Variants in SDK1 observed in about 807,000 individuals in gnomAD.
SDK1 encodes protein sidekick-1.
A neutral mutation model predicts 245.5 loss-of-function variants in SDK1; 157 were observed. The observed-to-expected ratio is 0.64, with a 90% CI of 0.56 to 0.73. SDK1 has a LOEUF of 0.73. Ranked by LOEUF, SDK1 falls within the 30% of genes least tolerant of loss-of-function variation. SDK1 has a pLI of 0.00. For synonymous variants in SDK1, 1,647 were observed against 1,278.5 expected (o/e 1.29, Z -6.15); for missense variants, 3,583 against 3,002.3 (o/e 1.19, Z -4.52).
intron 19 of SDK1, among the ~76,000 whole-genome samples, chr7:4,064,304 A>T (rs1272837154): frequency 6.6e-6 from 1 of 152,202 alleles, no homozygotes; most frequent in South Asian, 2.1e-4. Flanking sequence ...CAGATGGTCA[A>T]CGTGTCTATG....
intron 5 of SDK1, among the ~76,000 whole-genome samples, chr7:3,950,080 C>T (rs1267999384): frequency 6.6e-6 from 1 of 152,224 alleles, no homozygotes; most frequent in East Asian, 1.9e-4. Context: ...ATAAAGCCAG[C>T]AAGCATTTTG....
rs1057312148 is a variant in SDK1 at position 3,811,313 on chromosome 7, G to A, written c.714-10137G>A. On this transcript the variant is annotated intron_variant, in intron 4 of 44. Coordinates refer to ENST00000404826, the MANE Select transcript of SDK1 (RefSeq NM_152744.4). ...ACCCAGGTCACAGTTGCCTGATCGC[G>A]TTAAGGGCCTCTCTATATTAAGACA... Among the ~76,000 whole-genome samples, 10 of 152,260 alleles carry A rather than the reference G, an allele frequency of 6.6e-5. No individual in the cohort carries two copies. The East Asian group carries it at 1.2e-3, about 18-fold the overall frequency.
Position 4,017,437 on chromosome 7 carries a change from G to A in SDK1, c.2602+85G>A, listed in dbSNP as rs576038876. On this transcript the variant is annotated intron_variant, in intron 17 of 44. Coordinates refer to ENST00000404826, the MANE Select transcript of SDK1 (RefSeq NM_152744.4). ...AGGTTTGACTGGAGTACGTTAGAAA[G>A]AAAAACAGAGAATCCAGTCCCCTAG... 85 of 1,208,660 alleles carry A rather than the reference G, an allele frequency of 7.0e-5. 1 individual carries two copies. In the African/African-American group the frequency reaches 1.2e-3, roughly 17 times the overall value. 74.9% of individuals were successfully genotyped at this position (1,208,660 alleles called of 1,614,324 possible). A position where few individuals can be genotyped will look rare whatever the true frequency, so the allele number is the denominator to read the frequency against.
Position 3,912,019 on chromosome 7 carries a change from G to T in SDK1, c.848-38904G>T, listed in dbSNP as rs543647689. Among the ~76,000 whole-genome samples, 62 of 152,288 alleles carry T rather than the reference G, an allele frequency of 4.1e-4. 1 individual carries two copies. Among genetic ancestry groups the T allele is most frequent in the Middle Eastern group, 3.4e-3 (1 of 294 alleles). On this transcript the variant is annotated intron_variant, in intron 5 of 44. Transcript: ENST00000404826. Reference sequence around the variant, plus strand: ...AACTTGAGCAAGAGCTTGTAGGTGCGGGGGCGTGCAGGGCAAGGGGGCCCT... The same window carrying T: ...AACTTGAGCAAGAGCTTGTAGGTGCTGGGGCGTGCAGGGCAAGGGGGCCCT...
intron 1 of SDK1, among the ~76,000 whole-genome samples, chr7:3,334,135 A>G (rs1379347394): frequency 3.3e-5 from 5 of 152,168 alleles, no homozygotes; most frequent in Admixed American, 3.3e-4. Context: ...GCAGAACCCC[A>G]ATGTGGTTTT....
At chr7:4,102,864 C>A (rs1378684938) in intron 22 of SDK1, among the ~76,000 whole-genome samples, 1 of 151,840 alleles carries the variant, frequency 6.6e-6, no homozygotes, top group Non-Finnish European at 1.5e-5. Flanking sequence ...GCCTGAAGGA[C>A]CGCCCCTACC....
At chr7:3,986,585 G>A (rs991567534) in intron 13 of SDK1, among the ~76,000 whole-genome samples, 1 of 152,226 alleles carries the variant, frequency 6.6e-6, no homozygotes, top group African/African-American at 2.4e-5. Flanking sequence ...TGTAGGCCGG[G>A]CATGGTGGCT....
intron 5 of SDK1, among the ~76,000 whole-genome samples, chr7:3,884,071 G>A (rs1038364308): frequency 7.2e-6 from 1 of 139,292 alleles, no homozygotes; most frequent in Non-Finnish European, 1.5e-5. Context: ...TTTTTTGTTT[G>A]TTTGTTTTTT....
intron 17 of SDK1, among the ~76,000 whole-genome samples, chr7:4,035,015 G>T (rs1788111448): frequency 6.6e-6 from 1 of 152,216 alleles, no homozygotes; most frequent in Non-Finnish European, 1.5e-5. Context: ...GTCTTGCTCT[G>T]TTGCCCAGGC....
intron 1 of SDK1, among the ~76,000 whole-genome samples, chr7:3,439,677 A>G (rs914070441): frequency 3.3e-5 from 5 of 152,228 alleles, no homozygotes; most frequent in African/African-American, 1.2e-4. Context: ...TAATGATCTG[A>G]TGCACTTTTG....
At chr7:3,437,947 A>G (rs1230914298) in intron 1 of SDK1, among the ~76,000 whole-genome samples, 1 of 152,214 alleles carries the variant, frequency 6.6e-6, no homozygotes, top group Non-Finnish European at 1.5e-5. Context: ...ACGTTTGTGT[A>G]TGAGCCTTGG....
intron 17 of SDK1, among the ~76,000 whole-genome samples, chr7:4,035,071 C>T (rs557450903): frequency 3.9e-4 from 60 of 152,284 alleles, no homozygotes; most frequent in African/African-American, 1.3e-3. Context: ...TTCCACCTCC[C>T]GGGTTCAAGC....
intron 5 of SDK1, among the ~76,000 whole-genome samples, chr7:3,855,803 A>C (rs1388373974): frequency 6.6e-6 from 1 of 152,190 alleles, no homozygotes; most frequent in Non-Finnish European, 1.5e-5. Flanking sequence ...TTTTAGTCAA[A>C]GTTCTGAGGG....
intron 5 of SDK1, among the ~76,000 whole-genome samples, chr7:3,855,258 A>G (rs1471911439): frequency 2.0e-5 from 3 of 152,110 alleles, no homozygotes; most frequent in Non-Finnish European, 4.4e-5. Flanking sequence ...CACCACACCA[A>G]GAATCACTAG....
intron 1 of SDK1, among the ~76,000 whole-genome samples, chr7:3,559,713 A>C (rs1334817259): frequency 6.6e-6 from 1 of 151,472 alleles, no homozygotes; most frequent in South Asian, 2.1e-4. Context: ...TTGAACCTCA[A>C]GGTAACGCTG....
Position 4,051,721 on chromosome 7 carries a change from C to G in SDK1, c.2802C>G (p.His934Gln). ...ATTTCCACGGAGTCCACCATGGACA[C>G]ATAACGAACCTGAAGAAGTTTACCG... Reference protein sequence around the residue: ...APDFHGVHHGHITNLKKFTAY... With the variant: ...APDFHGVHHGQITNLKKFTAY... The change falls in exon 19 of 45, where the codon CAC (histidine) becomes CAG (glutamine). Residue 934 changes from histidine (H) to glutamine (Q), a missense_variant. Coordinates refer to ENST00000404826, the MANE Select transcript of SDK1 (RefSeq NM_152744.4). 5.6e-6 allele frequency: 9 copies of G among 1,613,972 alleles called. No homozygotes were observed. Among genetic ancestry groups the G allele is most frequent in the Non-Finnish European group, 7.6e-6 (9 of 1,179,932 alleles).
intron 1 of SDK1, among the ~76,000 whole-genome samples, chr7:3,460,221 A>G (rs1300993067): frequency 6.6e-6 from 1 of 152,196 alleles, no homozygotes; most frequent in Non-Finnish European, 1.5e-5. Flanking sequence ...AGCCAACTGC[A>G]GTACATGTGG....
rs778065510 is a variant in SDK1 at position 4,114,102 on chromosome 7, C to G, written c.3651C>G (p.Arg1217=). Reference sequence around the variant, plus strand: ...TGGGCTACAGGATTAAGTACTGGCGCTCAGACCTCCAGTCCTCAGCAGTGG... The same window carrying G: ...TGGGCTACAGGATTAAGTACTGGCGGTCAGACCTCCAGTCCTCAGCAGTGG... ...ESVGYRIKYW[R]SDLQSSAVAQ... Residue 1217 remains arginine (R), a synonymous_variant, in exon 25 of 45, where the codon CGC becomes CGG. Coordinates refer to ENST00000404826, the MANE Select transcript of SDK1 (RefSeq NM_152744.4). 1.2e-6 allele frequency: 2 copies of G among 1,614,222 alleles called. No individual in the cohort carries two copies. The highest frequency in any genetic ancestry group is 8.5e-7 in the Non-Finnish European group (1 of 1,180,028).
intron 2 of SDK1, among the ~76,000 whole-genome samples, chr7:3,622,023 C>G (rs1003270054): frequency 6.6e-6 from 1 of 152,086 alleles, no homozygotes; most frequent in Non-Finnish European, 1.5e-5. Flanking sequence ...CATTTGTAGG[C>G]TGATATTAGT....
Sources: gnomAD v4.1 joint callset for allele counts (sites outside exome capture counted in the v4.1 genomes callset) on GRCh38, gnomAD v4.1.1 for gene constraint, MANE v1.5 for transcripts, NCBI Gene and HGNC (gene_info 2026-07-23, HGNC 2026-07-21) for gene names.